PTGES3: variants seen among roughly 807,000 people sequenced by gnomAD.
PTGES3 encodes the protein Hsp90 co-chaperone.
In PTGES3, 5 loss-of-function variants were observed where a neutral mutation model predicts 29.9. That is an observed-to-expected ratio of 0.17 (90% CI 0.09 to 0.35). PTGES3 has a LOEUF of 0.35. PTGES3 is among the 10% of genes least tolerant of loss of function. PTGES3 has a pLI of 1.00. For missense variants in PTGES3, 128 were observed against 190.0 expected (o/e 0.67, Z 1.92); for synonymous variants, 49 against 57.8 (o/e 0.85, Z 0.69).
intron 1 of PTGES3, 92 bp from the exon 2 acceptor site, chr12:56,673,157 G>T: frequency 1.3e-6 from 1 of 768,362 alleles, no homozygotes; most frequent in Non-Finnish European, 2.0e-6. Context: ...CATTATTTCA[G>T]GGCAGTTTGT....
At chr12:56,666,348 C>T (rs533842013) in intron 5 of PTGES3, 82 bp from the exon 6 acceptor site, 2 of 1,495,082 alleles carry the variant, frequency 1.3e-6, no homozygotes, top group South Asian at 2.7e-5. Flanking sequence ...CAGAATAAAC[C>T]TTAAGTCTGC....
intron 1 of PTGES3, among the ~76,000 whole-genome samples, chr12:56,681,517 AAC>A (rs1465408641): frequency 1.6e-5 from 2 of 128,290 alleles, no homozygotes; most frequent in Non-Finnish European, 3.3e-5. Flanking sequence ...CAGCCTGGGC[AAC>A]AGAGTGAGAC....
intron 4 of PTGES3, 41 bp from the exon 5 acceptor site, chr12:56,670,405 T>C (rs1293180448): frequency 6.3e-6 from 9 of 1,431,354 alleles, no homozygotes; most frequent in Admixed American, 1.7e-5. Context: ...TTAGGCTAAT[T>C]TGCATTTGGC....
chr12:56,676,145 G>GGGAGGGGGAGGTGGAGGTGGAGGT (rs1952232478), intron 1 of PTGES3, among the ~76,000 whole-genome samples: 5 of 138,404 alleles, frequency 3.6e-5, no homozygotes, highest in African/African-American at 1.4e-4. Context: ...GAGGGGGAGG[G>GGGAGGGGGAGGTGGAGGTGGAGGT]GGAGGTGGAG....
chr12:56,670,275 C>T lies in PTGES3; in HGVS notation c.375G>A (p.Glu125=). 1 of 1,605,904 alleles carries T rather than the reference C, an allele frequency of 6.2e-7. No homozygotes were observed. The highest frequency in any genetic ancestry group is 8.5e-7 in the Non-Finnish European group (1 of 1,173,040). Residue 125 remains glutamate (E), a splice_region_variant and synonymous_variant, in exon 5 of 8, where the codon GAG becomes GAA. Coordinates refer to ENST00000262033, the MANE Select transcript of PTGES3 (RefSeq NM_006601.7). ...EDMSNFDRFS[E]MMNNMGGDED... ...GAGAGGTCCATTTAAAGGAACTTAC[C>T]TCAGAGAAACGATCAAAATTAGACA...
intron 5 of PTGES3, among the ~76,000 whole-genome samples, chr12:56,669,794 T>TA (rs1951931642): frequency 6.6e-6 from 1 of 151,414 alleles, no homozygotes; most frequent in Admixed American, 6.6e-5. Context: ...TGTATTTTAG[T>TA]AGAGATGAGG....
intron 1 of PTGES3, chr12:56,687,754 A>G: frequency 7.3e-7 from 1 of 1,378,924 alleles, no homozygotes; most frequent in South Asian, 1.6e-5. Context: ...CAAAGGGGTA[A>G]AAGTAGGATT....
intron 3 of PTGES3, 88 bp downstream of exon 3, chr12:56,672,652 C>T (rs1343269832): frequency 7.3e-7 from 1 of 1,364,658 alleles, no homozygotes; most frequent in Non-Finnish European, 9.6e-7. Context: ...TTAAGAAAAA[C>T]AGAACTAATG....
chr12:56,688,026 A>C lies in PTGES3; in HGVS notation c.-27T>G, dbSNP rs1952968359. On this transcript the variant is annotated 5_prime_UTR_variant, in exon 1 of 8. Transcript: ENST00000262033. ...GTGAACGGGGCAGGGGGACGGGCGA[A>C]CTGGTGGGCGGGCCTCTCTGGCGGC... 5 of 1,523,018 alleles carry C rather than the reference A, an allele frequency of 3.3e-6. No individual in the cohort carries two copies. Among genetic ancestry groups the C allele is most frequent in the Non-Finnish European group, 3.5e-6 (4 of 1,133,792 alleles). The allele number at this position is 1,523,018 out of a possible 1,614,324, so 94.3% of individuals were successfully genotyped here.
chr12:56,685,456 A>G (rs1952792220), intron 1 of PTGES3, among the ~76,000 whole-genome samples: 1 of 147,088 alleles, frequency 6.8e-6, no homozygotes, highest in Non-Finnish European at 1.5e-5. Context: ...GCTGGAGTAC[A>G]GTGGCGCAAT....
At position 56,687,978 on chromosome 12, in the gene PTGES3, C is replaced by T. The variant is rs1327710132; in HGVS notation, c.2+20G>A. On this transcript the variant is annotated intron_variant, in intron 1 of 7. Transcript: ENST00000262033. ...TCGGCCTCACTCGGCGACCTTCCCTCGGCGGGGTGTCGCACTCACATTGTG... is the reference window on the plus strand; with the variant it reads ...TCGGCCTCACTCGGCGACCTTCCCTTGGCGGGGTGTCGCACTCACATTGTG... 7 of 1,601,034 alleles carry T rather than the reference C, an allele frequency of 4.4e-6. No individual in the cohort carries two copies. In the East Asian group the frequency reaches 1.2e-4, roughly 26 times the overall value.
intron 1 of PTGES3, among the ~76,000 whole-genome samples, chr12:56,675,539 AAAT>A (rs1952198743): frequency 2.0e-5 from 3 of 151,634 alleles, no homozygotes; most frequent in African/African-American, 7.3e-5. Flanking sequence ...AAAAAAAAAA[AAAT>A]GTGAATGAGA....
intron 4 of PTGES3, among the ~76,000 whole-genome samples, chr12:56,671,116 T>G (rs909157051): frequency 1.3e-5 from 2 of 151,714 alleles, no homozygotes; most frequent in Non-Finnish European, 2.9e-5. Flanking sequence ...AAAAAAAGAC[T>G]AGGCTGGTGT....
At position 56,664,394 on chromosome 12, in the gene PTGES3, C is replaced by G. The variant is rs1022400508; in HGVS notation, c.*85G>C. ...AAATACAGCATATCTGCCTTTAGAG[C>G]TATCAACTCAGGAATTCTCTCAATT... On this transcript the variant is annotated 3_prime_UTR_variant, in exon 8 of 8. Coordinates refer to ENST00000262033, the MANE Select transcript of PTGES3 (RefSeq NM_006601.7). 4 of 1,473,484 alleles carry G rather than the reference C, an allele frequency of 2.7e-6. No homozygotes were observed. Among genetic ancestry groups the G allele is most frequent in the Non-Finnish European group, 3.7e-6 (4 of 1,071,514 alleles). The allele number at this position is 1,473,484 out of a possible 1,614,324, so 91.3% of individuals were successfully genotyped here.
Position 56,675,838 on chromosome 12 carries a change from G to A in PTGES3, c.3-2773C>T, listed in dbSNP as rs147759168. Reference sequence around the variant, plus strand: ...CTCAGGATGCTGCAGCAGGAGAATCGCTTGAAATAAGGAGGTGGAGGTTGC... The same window carrying A: ...CTCAGGATGCTGCAGCAGGAGAATCACTTGAAATAAGGAGGTGGAGGTTGC... On this transcript the variant is annotated intron_variant, in intron 1 of 7. Transcript: ENST00000262033. Among the ~76,000 whole-genome samples the A allele has an allele frequency of 1.4e-4, 21 of 152,094 alleles. No homozygotes were observed. In the East Asian group the frequency reaches 1.9e-3, roughly 14 times the overall value.
intron 1 of PTGES3, among the ~76,000 whole-genome samples, chr12:56,677,724 T>C (rs1165497169): frequency 6.6e-6 from 1 of 152,046 alleles, no homozygotes; most frequent in Non-Finnish European, 1.5e-5. Flanking sequence ...CCACCAGAAA[T>C]TCAGTTTTTA....
rs1284177948 is a variant in PTGES3 at position 56,670,398 on chromosome 12, G to A, written c.286-34C>T. On this transcript the variant is annotated intron_variant, in intron 4 of 7. Coordinates refer to ENST00000262033, the MANE Select transcript of PTGES3 (RefSeq NM_006601.7). ...CAATACAAATATCACCCTAAGATTA[G>A]GCTAATTTGCATTTGGCATGAACCT... 7 of 1,474,292 alleles carry A rather than the reference G, an allele frequency of 4.7e-6. No homozygotes were observed. In the South Asian group the frequency reaches 7.9e-5, roughly 17 times the overall value. 91.3% of individuals were successfully genotyped at this position (1,474,292 alleles called of 1,614,324 possible). A position where few individuals can be genotyped will look rare whatever the true frequency, so the allele number is the denominator to read the frequency against.
chr12:56,687,391 G>C, intron 1 of PTGES3: 2 of 987,676 alleles, frequency 2.0e-6, no homozygotes, highest in Non-Finnish European at 2.4e-6. Flanking sequence ...CAAGAGACTG[G>C]AGTTAGGAGG....
intron 1 of PTGES3, chr12:56,687,307 G>C: frequency 1.0e-6 from 1 of 990,296 alleles, no homozygotes; most frequent in South Asian, 4.7e-5. Context: ...CGACACGTGC[G>C]GAACTACCTG....
Sources: gnomAD v4.1 joint callset for allele counts (sites outside exome capture counted in the v4.1 genomes callset) on GRCh38, gnomAD v4.1.1 for gene constraint, MANE v1.5 for transcripts, NCBI Gene and HGNC (gene_info 2026-07-23, HGNC 2026-07-21) for gene names.